ANO4: variants seen among roughly 807,000 people sequenced by gnomAD.
The protein encoded by ANO4 is anoctamin-4.
Under a neutral mutation model 141.9 loss-of-function variants are expected in ANO4, and 69 were observed. The observed-to-expected ratio is 0.49, with a 90% confidence interval of 0.40 to 0.59. ANO4 has a LOEUF of 0.59. Ranked by LOEUF, ANO4 falls within the 20% of genes least tolerant of loss-of-function variation. ANO4 has a pLI of 0.00. For synonymous variants in ANO4, 350 were observed against 394.3 expected, an observed-to-expected ratio of 0.89 and a Z score of 1.33; for missense variants, 894 against 1,162.2, an observed-to-expected ratio of 0.77 and a Z score of 3.36.
intron 1 of ANO4, among the ~76,000 whole-genome samples, chr12:100,719,996 C>T (rs2030792982): frequency 6.6e-6 from 1 of 152,158 alleles, no homozygotes; most frequent in African/African-American, 2.4e-5. Context: ...GTTTTTAAGG[C>T]CTCAACCCTT....
rs556130325 is a variant in ANO4 at position 100,797,151 on chromosome 12, C to T, written c.-141+2124C>T. ...GTGTGTATATATATATATATACACA[C>T]ATATACAAGCGTGTACACAAATGTA... On this transcript the variant is annotated intron_variant, in intron 1 of 27. Transcript: ENST00000392977. Among the ~76,000 whole-genome samples, 3 of 151,202 alleles carry T rather than the reference C, an allele frequency of 2.0e-5. No homozygotes were observed. In the South Asian group the frequency reaches 6.2e-4, roughly 31 times the overall value.
intron 9 of ANO4, among the ~76,000 whole-genome samples, chr12:101,022,883 G>T (rs1221108029): frequency 6.6e-6 from 1 of 152,160 alleles, no homozygotes; most frequent in Non-Finnish European, 1.5e-5. Flanking sequence ...GGGATTACAG[G>T]TGCCCGCCAC....
intron 22 of ANO4, among the ~76,000 whole-genome samples, chr12:101,100,185 A>G (rs953681200): frequency 2.6e-5 from 4 of 152,188 alleles, no homozygotes; most frequent in African/African-American, 9.6e-5. Context: ...TTATATCATT[A>G]TTATTCTCTT....
At chr12:101,052,696 T>C (rs868862871) in intron 14 of ANO4, among the ~76,000 whole-genome samples, 16 of 152,234 alleles carry the variant, frequency 1.1e-4, no homozygotes, top group African/African-American at 3.4e-4. Context: ...TTTCTAGATA[T>C]TTATGCTAAC....
chr12:100,909,065 C>T (rs927223938), intron 2 of ANO4, among the ~76,000 whole-genome samples: 1 of 151,974 alleles, frequency 6.6e-6, no homozygotes, highest in South Asian at 2.1e-4. Flanking sequence ...TTGTTACCAA[C>T]AAGAGAAACT....
intron 1 of ANO4, among the ~76,000 whole-genome samples, chr12:100,901,057 A>G (rs746880266): frequency 6.6e-6 from 1 of 152,204 alleles, no homozygotes; most frequent in Non-Finnish European, 1.5e-5. Context: ...TGATGTCTGG[A>G]ATTTGCTTTA....
chr12:100,864,343 A>G (rs943206500), intron 1 of ANO4, among the ~76,000 whole-genome samples: 4 of 152,170 alleles, frequency 2.6e-5, no homozygotes, highest in Non-Finnish European at 5.9e-5. Flanking sequence ...GCAGGCCCCC[A>G]AGAAAAATTA....
intron 1 of ANO4, among the ~76,000 whole-genome samples, chr12:100,877,705 GT>G (rs1439811149): frequency 8.2e-6 from 1 of 121,238 alleles, no homozygotes; most frequent in Non-Finnish European, 1.9e-5. Context: ...GTCGAGTGAT[GT>G]TTTTTTCTCC....
chr12:100,740,584 C>G (rs1057156489), intron 3 of ANO4, among the ~76,000 whole-genome samples: 1 of 151,982 alleles, frequency 6.6e-6, no homozygotes, highest in Non-Finnish European at 1.5e-5. Context: ...CTCGTGTATT[C>G]AAAAAAGTCA....
intron 23 of ANO4, among the ~76,000 whole-genome samples, chr12:101,110,885 G>T (rs1259312092): frequency 7.3e-6 from 1 of 136,456 alleles, no homozygotes; most frequent in African/African-American, 3.7e-5. Context: ...GCTTAACCTT[G>T]ATTTGTTCTT....
At chr12:100,964,419 T>C (rs551796498) in intron 5 of ANO4, among the ~76,000 whole-genome samples, 7 of 152,306 alleles carry the variant, frequency 4.6e-5, no homozygotes, top group South Asian at 2.1e-4. Flanking sequence ...AGTGGCACTA[T>C]GTAGCTGGTC....
chr12:100,955,942 G>A (rs1191452593), intron 5 of ANO4, among the ~76,000 whole-genome samples: 1 of 152,126 alleles, frequency 6.6e-6, no homozygotes, highest in Admixed American at 6.6e-5. Context: ...AATCCCATGA[G>A]GACTGCACGG....
intron 1 of ANO4, among the ~76,000 whole-genome samples, chr12:100,803,659 T>A (rs1007372695): frequency 3.3e-5 from 5 of 152,168 alleles, no homozygotes; most frequent in Non-Finnish European, 5.9e-5. Flanking sequence ...ATTGTACCCA[T>A]CCTTACTCTG....
At position 100,766,546 on chromosome 12, in the gene ANO4, T is replaced by G. The variant is rs141417529; in HGVS notation, c.358+26441T>G. 5.0e-3 allele frequency among the ~76,000 whole-genome samples: 754 copies of G among 152,266 alleles called. 12 individuals carry two copies. Among genetic ancestry groups the G allele is most frequent in the African/African-American group, 0.017 (696 of 41,566 alleles). Reference sequence around the variant, plus strand: ...GTTTACTTTCCCCATATTTGTGAATTTTTCAAATTTCATCTCGTTATTGAT... The same window carrying G: ...GTTTACTTTCCCCATATTTGTGAATGTTTCAAATTTCATCTCGTTATTGAT... On this transcript the variant is annotated intron_variant, in intron 3 of 29. Coordinates refer to the ANO4 transcript ENST00000644049.
Position 100,939,436 on chromosome 12 carries a change from G to A in ANO4, c.282G>A (p.Leu94=). ...GTACTTCAGATGATGCCAGCAGATT[G>A]GAAGCCGGGGGAGAGGTAAGAGTAT... ...LTSTSDDASR[L]EAGGETVPER... Residue 94 remains leucine (L), a synonymous_variant, in exon 4 of 28, where the codon TTG becomes TTA. Transcript: ENST00000392977. The A allele has an allele frequency of 6.2e-7, 1 of 1,613,472 alleles. No individual in the cohort carries two copies. The highest frequency in any genetic ancestry group is 8.5e-7 in the Non-Finnish European group (1 of 1,179,560).
chr12:100,936,706 C>T (rs1438006817), intron 3 of ANO4, among the ~76,000 whole-genome samples: 1 of 152,166 alleles, frequency 6.6e-6, no homozygotes, highest in Non-Finnish European at 1.5e-5. Flanking sequence ...GTAAATATCT[C>T]TTCTGCCTTC....
intron 2 of ANO4, among the ~76,000 whole-genome samples, chr12:100,908,135 G>A (rs1306068175): frequency 6.6e-6 from 1 of 152,170 alleles, no homozygotes; most frequent in Non-Finnish European, 1.5e-5. Context: ...CGAGGCGGGT[G>A]GATCAGCTGA....
intron 15 of ANO4, 48 bp downstream of exon 15, chr12:101,079,323 A>C: frequency 2.0e-6 from 3 of 1,472,496 alleles, no homozygotes; most frequent in Non-Finnish European, 2.8e-6. Flanking sequence ...ATCACCCAGA[A>C]CCACACGACC....
intron 22 of ANO4, among the ~76,000 whole-genome samples, chr12:101,109,111 A>G (rs915937894): frequency 5.9e-5 from 9 of 152,096 alleles, no homozygotes; most frequent in Non-Finnish European, 4.4e-5. Flanking sequence ...CCTTCAATTC[A>G]GGTTTGTCTC....
Sources: gnomAD v4.1 joint callset for allele counts (sites outside exome capture counted in the v4.1 genomes callset) on GRCh38, gnomAD v4.1.1 for gene constraint, MANE v1.5 for transcripts, NCBI Gene and HGNC (gene_info 2026-07-23, HGNC 2026-07-21) for gene names.